The following ZNF764 variants were observed in gnomAD, a reference collection of about 807,000 sequenced individuals.
ZNF764 encodes the protein zinc finger protein 764.
ZNF764 carries 10 observed loss-of-function variants against 13.9 expected under a neutral mutation model. The ratio of observed to expected loss-of-function variants is 0.72; its 90% CI spans 0.44 to 1.22. ZNF764 has a LOEUF of 1.22. ZNF764 is among the 50% of genes most tolerant of loss of function. The pLI is 0.00. For missense variants in ZNF764, 647 were observed against 589.7 expected, an observed-to-expected ratio of 1.10 and a Z score of -1.01; for synonymous variants, 313 against 255.1, an observed-to-expected ratio of 1.23 and a Z score of -2.16.
Position 30,555,608 on chromosome 16 carries a change from G to C in ZNF764, c.810C>G (p.Ser270Arg). Residue 270 changes from serine to arginine, a missense_variant, in exon 3 of 3, where the codon AGC becomes AGG. Coordinates refer to ENST00000395091, the MANE Select transcript of ZNF764 (RefSeq NM_001172679.2). ...CGCGCCGGTGCTGGTAGAGGGCAGA[G>C]CTCTGGCTGAAGCGGCGGCCACAGT... is the stretch of plus-strand genomic sequence containing the variant. ...CADCGRRFSQ[S>R]SALYQHRRVH... 1 of 1,548,604 alleles carries C rather than the reference G, an allele frequency of 6.5e-7. No individual in the cohort carries two copies. The highest frequency in any genetic ancestry group is 8.7e-7 in the Non-Finnish European group (1 of 1,152,378).
At position 30,558,192 on chromosome 16, in the gene ZNF764, C is replaced by T; in HGVS notation, c.-10G>A. 1.3e-6 allele frequency: 2 copies of T among 1,570,796 alleles called. No individual in the cohort carries two copies. Among genetic ancestry groups the T allele is most frequent in the South Asian group, 1.1e-5 (1 of 87,546 alleles). On this transcript the variant is annotated 5_prime_UTR_variant, in exon 1 of 3. Transcript: ENST00000395091. Reference sequence around the variant, plus strand: ...CCAGAGGCGGCGCCATGGTAACTGTCAACCCCGACGACGGATCGGCTGCCT... The same window carrying T: ...CCAGAGGCGGCGCCATGGTAACTGTTAACCCCGACGACGGATCGGCTGCCT...
At chr16:30,556,134 T>A (rs2051554670) in intron 2 of ZNF764, 27 bp from the exon 3 acceptor site, 1 of 1,607,556 alleles carries the variant, frequency 6.2e-7, no homozygotes, top group Non-Finnish European at 8.5e-7. Flanking sequence ...AGGGGAGAGT[T>A]CAGGCTCGGC....
In ZNF764 at chr16:30,558,330, GTGGAAACTAACGGTGCCGA is replaced by G; in HGVS notation, c.-167_-149del. On this transcript the variant is annotated 5_prime_UTR_variant, in exon 1 of 3. Transcript: ENST00000395091. ...GGCCCCCGAGGGCGCACTAGAGGGC[GTGGAAACTAACGGTGCCGA>G]TGGCAGCGGGTGTATAATCAGAAAT... is the stretch of plus-strand genomic sequence containing the variant. The G allele has an allele frequency of 1.1e-6, 1 of 887,050 alleles. No homozygotes were observed. Among genetic ancestry groups the G allele is most frequent in the South Asian group, 1.8e-5 (1 of 55,420 alleles). 54.9% of individuals were successfully genotyped at this position (887,050 alleles called of 1,614,324 possible). A position where few individuals can be genotyped will look rare whatever the true frequency, so the allele number is the denominator to read the frequency against.
rs149864546 is a variant in ZNF764 at position 30,554,467 on chromosome 16, T to TCA, written c.*725_*726dup. 7.2e-3 allele frequency: 1,080 copies of TCA among 149,314 alleles called. 25 individuals carry two copies. Among genetic ancestry groups the TCA allele is most frequent in the East Asian group, 0.035 (176 of 5,092 alleles). The allele number at this position is 149,314 out of a possible 1,614,324, so 9.2% of individuals were successfully genotyped here. A position where few individuals can be genotyped will look rare whatever the true frequency, so the allele number is the denominator to read the frequency against. On this transcript the variant is annotated 3_prime_UTR_variant, in exon 3 of 3. Coordinates refer to ENST00000395091, the MANE Select transcript of ZNF764 (RefSeq NM_001172679.2). ...CCTGGGCAACAAGAGCAAAACCCCATCACACACACACACACACAAAGACAA... is the reference window on the plus strand; with the variant it reads ...CCTGGGCAACAAGAGCAAAACCCCATCACACACACACACACACACAAAGACAA...
Position 30,556,171 on chromosome 16 carries a change from C to G in ZNF764, c.311-64G>C, listed in dbSNP as rs1597132629. ...CATCCTGGTCCTTGAATCCCACAGCCCGCGTGGACAGGGACAGGCCTGCTG... is the reference window on the plus strand; with the variant it reads ...CATCCTGGTCCTTGAATCCCACAGCGCGCGTGGACAGGGACAGGCCTGCTG... On this transcript the variant is annotated intron_variant, in intron 2 of 2. Coordinates refer to ENST00000395091, the MANE Select transcript of ZNF764 (RefSeq NM_001172679.2). The G allele has an allele frequency of 3.8e-6, 6 of 1,579,702 alleles. No homozygotes were observed. The East Asian group carries it at 1.3e-4, about 35-fold the overall frequency.
rs138651281 is a variant in ZNF764, at chr16:30,555,991, G to A, written c.427C>T (p.Pro143Ser). The change falls in exon 3 of 3, where the codon CCC becomes TCC. Residue 143 changes from proline (P) to serine (S), a missense_variant. Transcript: ENST00000395091. ...GACAGCTGCTCCCAACCATAAGGGG[G>A]CCCGGCCGAGGGGGCTTGGGGAGAC... Reference protein sequence around the residue: ...LKSPQAPSAGPPYGWEQLSKA... With the variant: ...LKSPQAPSAGSPYGWEQLSKA... The A allele has an allele frequency of 2.1e-4, 346 of 1,612,254 alleles. No individual in the cohort carries two copies. Among genetic ancestry groups the A allele is most frequent in the Admixed American group, 4.3e-4 (26 of 60,012 alleles).
At position 30,555,976 on chromosome 16, in the gene ZNF764, C is replaced by T; in HGVS notation, c.442G>A (p.Glu148Lys). The T allele has an allele frequency of 6.2e-7, 1 of 1,612,136 alleles. No homozygotes were observed. The highest frequency in any genetic ancestry group is 1.1e-5 in the South Asian group (1 of 91,072). The change falls in exon 3 of 3, where the codon GAG becomes AAG. Residue 148 changes from glutamate to lysine, a missense_variant. Physicochemically the swap from Glu to Lys is moderately conservative, Grantham distance 56 (BLOSUM62 1). Transcript: ENST00000395091. Reference protein sequence around the residue: ...APSAGPPYGWEQLSKAPHRGR... With the variant: ...APSAGPPYGWKQLSKAPHRGR... ...CGGTGCGGTGCCTTGGACAGCTGCT[C>T]CCAACCATAAGGGGGCCCGGCCGAG...
rs1026609603 is a variant in ZNF764, at chr16:30,557,824, A to G, written c.219T>C (p.Ala73=). 1.2e-6 allele frequency: 2 copies of G among 1,610,260 alleles called. No homozygotes were observed. Among genetic ancestry groups the G allele is most frequent in the Non-Finnish European group, 1.7e-6 (2 of 1,178,122 alleles). The change falls in exon 2 of 3, where the codon GCT becomes GCC. Residue 73 remains alanine (A), a synonymous_variant. Coordinates refer to ENST00000395091, the MANE Select transcript of ZNF764 (RefSeq NM_001172679.2). ...SALGIGGNKP[A]LISWVEEEAE... ...CCTCCTCCTCCACCCAGGAGATGAG[A>G]GCTGGCTTGTTGCCTCCGATTCCTA...
In ZNF764 at chr16:30,555,915, G is replaced by C. The variant is rs890350757; in HGVS notation, c.503C>G (p.Pro168Arg). 1 of 1,611,578 alleles carries C rather than the reference G, an allele frequency of 6.2e-7. No individual in the cohort carries two copies. Among genetic ancestry groups the C allele is most frequent in the Non-Finnish European group, 8.5e-7 (1 of 1,179,184 alleles). Residue 168 changes from proline to arginine, a missense_variant, in exon 3 of 3, where the codon CCC becomes CGC. Coordinates refer to ENST00000395091, the MANE Select transcript of ZNF764 (RefSeq NM_001172679.2). The stretch of plus-strand genomic sequence containing the variant: ...GCAGCCATGACGCTGGTCAGCTCGG[G>C]GGACAGGGGGGTGGGCACAGAGGGA... The part of the protein sequence containing the change: ...RPSLCAHPPV[P>R]RADQRHGCYV...
intron 2 of ZNF764, 125 bp from the exon 3 acceptor site, chr16:30,556,232 A>T: frequency 8.9e-7 from 1 of 1,124,094 alleles, no homozygotes; most frequent in Non-Finnish European, 1.3e-6. Context: ...GAGGAGTGAC[A>T]CCTGTTCCTC....
chr16:30,558,325 A>C lies in ZNF764; in HGVS notation c.-143T>G. ...ACTAGGGCCCCCGAGGGCGCACTAG[A>C]GGGCGTGGAAACTAACGGTGCCGAT... On this transcript the variant is annotated 5_prime_UTR_variant, in exon 1 of 3. Transcript: ENST00000395091. 1 of 949,596 alleles carries C rather than the reference A, an allele frequency of 1.1e-6. No individual in the cohort carries two copies. The highest frequency in any genetic ancestry group is 1.5e-6 in the Non-Finnish European group (1 of 657,328). The allele number at this position is 949,596 out of a possible 1,614,324, so 58.8% of individuals were successfully genotyped here. A position where few individuals can be genotyped will look rare whatever the true frequency, so the allele number is the denominator to read the frequency against.
chr16:30,558,105 C>G lies in ZNF764; in HGVS notation c.78G>C (p.Val26=), dbSNP rs1352434820. Reference sequence around the variant, plus strand: ...AGTACACGGCCACGTCCGCGAAGCTCACAGCCCCCGGCTCCCTCCACTCGG... The same window carrying G: ...AGTACACGGCCACGTCCGCGAAGCTGACAGCCCCCGGCTCCCTCCACTCGG... ...AGPEWREPGA[V]SFADVAVYFC... Residue 26 remains valine, a synonymous_variant, in exon 1 of 3, where the codon GTG becomes GTC. Transcript: ENST00000395091. 1 of 1,610,312 alleles carries G rather than the reference C, an allele frequency of 6.2e-7. No homozygotes were observed. The highest frequency in any genetic ancestry group is 1.7e-5 in the Admixed American group (1 of 59,758).
At chr16:30,557,092 A>G (rs1206154150) in intron 2 of ZNF764, among the ~76,000 whole-genome samples, 1 of 150,326 alleles carries the variant, frequency 6.7e-6, no homozygotes, top group African/African-American at 2.5e-5. Context: ...CTGAGCCGAG[A>G]TGGCGCCACT....
At chr16:30,556,201 C>T in intron 2 of ZNF764, 94 bp from the exon 3 acceptor site, 1 of 1,445,054 alleles carries the variant, frequency 6.9e-7, no homozygotes, top group Non-Finnish European at 9.5e-7. Context: ...CTGCTGGATC[C>T]CCGGCTGCTC....
At position 30,558,002 on chromosome 16, in the gene ZNF764, G is replaced by T. The variant is rs557801819; in HGVS notation, c.181C>A (p.His61Asn). Residue 61 changes from histidine to asparagine, a missense_variant, in exon 1 of 3, where the codon CAC becomes AAC. By Grantham distance (68) the His-to-Asn change is moderately conservative. Coordinates refer to ENST00000395091, the MANE Select transcript of ZNF764 (RefSeq NM_001172679.2). ...YRDVMRETYG[H>N]LSALGIGGNK... ...GGGCTCTCACCGAGAGCGCTCAGGT[G>T]GCCGTAGGTCTCCCGCATCACGTCC... 1.5e-5 allele frequency: 24 copies of T among 1,605,850 alleles called. No individual in the cohort carries two copies. The Admixed American group carries it at 4.1e-4, about 27-fold the overall frequency.
Position 30,558,097 on chromosome 16 carries a change from G to A in ZNF764, c.86C>T (p.Ala29Val). ...CCGGCAGAAGTACACGGCCACGTCC[G>A]CGAAGCTCACAGCCCCCGGCTCCCT... is the stretch of plus-strand genomic sequence containing the variant. ...EWREPGAVSF[A>V]DVAVYFCREE... The change falls in exon 1 of 3, where the codon GCG (alanine) becomes GTG (valine). Residue 29 changes from alanine to valine, a missense_variant. Physicochemically the swap from Ala to Val is moderately conservative, Grantham distance 64 (BLOSUM62 0). Transcript: ENST00000395091. The A allele has an allele frequency of 1.9e-6, 3 of 1,610,710 alleles. No homozygotes were observed. Among genetic ancestry groups the A allele is most frequent in the Non-Finnish European group, 2.5e-6 (3 of 1,179,210 alleles).
intron 2 of ZNF764, 84 bp from the exon 3 acceptor site, chr16:30,556,191 C>T: frequency 6.6e-7 from 1 of 1,511,882 alleles, no homozygotes; most frequent in South Asian, 1.1e-5. Flanking sequence ...AGGGACAGGC[C>T]TGCTGGATCC....
Position 30,558,074 on chromosome 16 carries a change from G to C in ZNF764, c.109C>G (p.Arg37Gly), listed in dbSNP as rs1311555985. ...SFADVAVYFC[R>G]EEWGCLRPAQ... is the part of the protein sequence containing the mutation. ...GGCCGCAAGCAGCCCCACTCCTCCC[G>C]GCAGAAGTACACGGCCACGTCCGCG... The change falls in exon 1 of 3, where the codon CGG (arginine) becomes GGG (glycine). Residue 37 changes from arginine (R) to glycine (G), a missense_variant. Arg to Gly is a moderately radical substitution (Grantham distance 125). Coordinates refer to ENST00000395091, the MANE Select transcript of ZNF764 (RefSeq NM_001172679.2). The C allele has an allele frequency of 6.2e-7, 1 of 1,611,858 alleles. No homozygotes were observed. The highest frequency in any genetic ancestry group is 8.5e-7 in the Non-Finnish European group (1 of 1,179,452).
chr16:30,558,047 C>A lies in ZNF764; in HGVS notation c.136G>T (p.Ala46Ser). 1 of 1,612,090 alleles carries A rather than the reference C, an allele frequency of 6.2e-7. No individual in the cohort carries two copies. Among genetic ancestry groups the A allele is most frequent in the Non-Finnish European group, 8.5e-7 (1 of 1,179,382 alleles). ...CREEWGCLRP[A>S]QRALYRDVMR... ...ACGTCCCGGTACAGGGCCCTCTGCG[C>A]TGGCCGCAAGCAGCCCCACTCCTCC... The change falls in exon 1 of 3, where the codon GCG (alanine) becomes TCG (serine). Residue 46 changes from alanine (A) to serine (S), a missense_variant. Ala to Ser is a moderately conservative substitution (Grantham distance 99). Transcript: ENST00000395091.
Sources: gnomAD v4.1 joint callset for allele counts (sites outside exome capture counted in the v4.1 genomes callset) on GRCh38, gnomAD v4.1.1 for gene constraint, MANE v1.5 for transcripts, NCBI Gene and HGNC (gene_info 2026-07-23, HGNC 2026-07-21) for gene names.